The following CAPZA2 variants were observed in gnomAD, a reference collection of about 807,000 sequenced individuals.
CAPZA2 encodes capping actin protein of muscle Z-line subunit alpha 2, also known as F-actin-capping protein subunit alpha-2.
In CAPZA2, 13 loss-of-function variants were observed where a neutral mutation model predicts 44.0. The ratio of observed to expected loss-of-function variants is 0.30; its 90% confidence interval spans 0.19 to 0.47. The LOEUF (loss-of-function observed/expected upper bound fraction) is 0.47. CAPZA2 is among the 20% of genes least tolerant of loss of function. The pLI is 1.00. For synonymous variants in CAPZA2, 94 were observed against 108.2 expected, an observed-to-expected ratio of 0.87 and a Z score of 0.81; for missense variants, 244 against 338.6, an observed-to-expected ratio of 0.72 and a Z score of 2.19.
At chr7:116,902,807 G>A (rs60899920) in intron 4 of CAPZA2, among the ~76,000 whole-genome samples, 52,045 of 152,028 alleles carry the variant, frequency 0.34, 10,882 homozygotes, top group South Asian at 0.53. Context: ...CACAATCACA[G>A]CTCGCTGCAG....
chr7:116,906,887 A>T (rs1015784521), intron 6 of CAPZA2, among the ~76,000 whole-genome samples: 14 of 152,192 alleles, frequency 9.2e-5, no homozygotes, highest in Non-Finnish European at 1.8e-4. Flanking sequence ...CTGATTTACC[A>T]TACTGGTCTT....
chr7:116,868,729 A>G (rs975112488), intron 1 of CAPZA2, among the ~76,000 whole-genome samples: 2 of 152,214 alleles, frequency 1.3e-5, no homozygotes, highest in Non-Finnish European at 2.9e-5. Context: ...GCAAGACTCC[A>G]TCTCAAAAAG....
At chr7:116,881,422 A>G (rs1417492470) in intron 1 of CAPZA2, among the ~76,000 whole-genome samples, 2 of 152,230 alleles carry the variant, frequency 1.3e-5, no homozygotes, top group Admixed American at 1.3e-4. Flanking sequence ...GACTGTATTC[A>G]GGGCATTCTT....
chr7:116,872,146 G>A (rs141865932), intron 1 of CAPZA2, among the ~76,000 whole-genome samples: 1 of 152,212 alleles, frequency 6.6e-6, no homozygotes, highest in Admixed American at 6.5e-5. Context: ...AAAAAAATTG[G>A]TAGTGAAACA....
chr7:116,866,118 A>C (rs1327814787), intron 1 of CAPZA2, among the ~76,000 whole-genome samples: 1 of 152,202 alleles, frequency 6.6e-6, no homozygotes, highest in East Asian at 1.9e-4. Flanking sequence ...TGAATGGGAA[A>C]TAAATTTAGC....
At chr7:116,914,128 C>T (rs920303672) in intron 8 of CAPZA2, among the ~76,000 whole-genome samples, 20 of 149,670 alleles carry the variant, frequency 1.3e-4, no homozygotes, top group Admixed American at 6.7e-5. Flanking sequence ...CCTGGGTTCA[C>T]GCCATTCTCC....
intron 2 of CAPZA2, among the ~76,000 whole-genome samples, chr7:116,890,605 CACACACACAT>C (rs71148339): frequency 0.12 from 9,354 of 76,468 alleles, 1,344 homozygotes; most frequent in East Asian, 0.28. Flanking sequence ...TATACACACA[CACACACACAT>C]ATATACAAAA....
chr7:116,881,529 G>A (rs1391112523), intron 1 of CAPZA2, among the ~76,000 whole-genome samples: 1 of 151,990 alleles, frequency 6.6e-6, no homozygotes, highest in Non-Finnish European at 1.5e-5. Context: ...CACGAGGTCA[G>A]GAGATCAAGA....
In CAPZA2 at chr7:116,864,233, C is replaced by T. The variant is rs538991194; in HGVS notation, c.39+1583C>T. Among the ~76,000 whole-genome samples the T allele has an allele frequency of 2.6e-5, 4 of 152,080 alleles. No individual in the cohort carries two copies. In the South Asian group the frequency reaches 6.2e-4, roughly 24 times the overall value. ...CATTCTTAAGTGATGATTAGTAGCT[C>T]AAGTGGCTAGAAATCTAGCTGAAGA... is the stretch of plus-strand genomic sequence containing the variant. On this transcript the variant is annotated intron_variant, in intron 1 of 9. Transcript: ENST00000361183.
intron 6 of CAPZA2, among the ~76,000 whole-genome samples, chr7:116,907,836 A>G (rs1024701598): frequency 3.3e-5 from 5 of 152,232 alleles, no homozygotes; most frequent in Non-Finnish European, 1.5e-5. Context: ...TTCCTAAGCC[A>G]TCACTATGAG....
At position 116,921,215 on chromosome 7, in the gene CAPZA2, C is replaced by G. The variant is rs1251511971; in HGVS notation, c.*3348C>G. 2 of 152,258 alleles carry G rather than the reference C, an allele frequency of 1.3e-5. No homozygotes were observed. The highest frequency in any genetic ancestry group is 4.8e-5 in the African/African-American group (2 of 41,404). The allele number at this position is 152,258 out of a possible 1,614,324, so 9.4% of individuals were successfully genotyped here. A position where few individuals can be genotyped will look rare whatever the true frequency, so the allele number is the denominator to read the frequency against. ...CCTGGCCAATATGGTGCAACCCCAT[C>G]TCTACTAAAAATACAAAAATTAGCT... On this transcript the variant is annotated 3_prime_UTR_variant, in exon 10 of 10. Coordinates refer to ENST00000361183, the MANE Select transcript of CAPZA2 (RefSeq NM_006136.3).
intron 1 of CAPZA2, among the ~76,000 whole-genome samples, chr7:116,886,402 C>G (rs1796762509): frequency 6.6e-6 from 1 of 152,174 alleles, no homozygotes; most frequent in Non-Finnish European, 1.5e-5. Flanking sequence ...CATCTTCATT[C>G]TAGCCATCTA....
intron 8 of CAPZA2, among the ~76,000 whole-genome samples, chr7:116,912,465 A>G (rs1791610354): frequency 6.6e-6 from 1 of 152,170 alleles, no homozygotes; most frequent in South Asian, 2.1e-4. Context: ...ACCATTAGCA[A>G]TCATTCTCCA....
rs1399759909 is a variant in CAPZA2 at position 116,904,289 on chromosome 7, G to A, written c.332G>A (p.Cys111Tyr). Reference protein sequence around the residue: ...LRKEATDPRPCEVENAVESWR... With the variant: ...LRKEATDPRPYEVENAVESWR... ...AAGGAGGCAACTGATCCAAGACCCTGTGAAGTAGAAAATGCAGTTGAATCA... is the reference window on the plus strand; with the variant it reads ...AAGGAGGCAACTGATCCAAGACCCTATGAAGTAGAAAATGCAGTTGAATCA... The change falls in exon 5 of 10, where the codon TGT becomes TAT. Residue 111 changes from cysteine to tyrosine, a missense_variant. Physicochemically the swap from Cys to Tyr is radical, Grantham distance 194 (BLOSUM62 -2). Transcript: ENST00000361183. 1 of 1,613,178 alleles carries A rather than the reference G, an allele frequency of 6.2e-7. No individual in the cohort carries two copies. Among genetic ancestry groups the A allele is most frequent in the Admixed American group, 1.7e-5 (1 of 60,032 alleles).
rs552749379 is a variant in CAPZA2, at chr7:116,921,091, A to G, written c.*3224A>G. 8 of 152,446 alleles carry G rather than the reference A, an allele frequency of 5.2e-5. No individual in the cohort carries two copies. Among genetic ancestry groups the G allele is most frequent in the Non-Finnish European group, 1.2e-4 (8 of 68,260 alleles). 9.4% of individuals were successfully genotyped at this position (152,446 alleles called of 1,614,324 possible). A position where few individuals can be genotyped will look rare whatever the true frequency, so the allele number is the denominator to read the frequency against. On this transcript the variant is annotated 3_prime_UTR_variant, in exon 10 of 10. Coordinates refer to ENST00000361183, the MANE Select transcript of CAPZA2 (RefSeq NM_006136.3). The stretch of plus-strand genomic sequence containing the variant: ...GGGGAACTAGAAAGAATGACCTGGA[A>G]ATGTAAGAAGTGGGCCGGGCGCAGT...
intron 6 of CAPZA2, among the ~76,000 whole-genome samples, chr7:116,908,397 T>C (rs1791544692): frequency 6.6e-6 from 1 of 152,228 alleles, no homozygotes; most frequent in African/African-American, 2.4e-5. Flanking sequence ...TTCTCCAGGA[T>C]CTAGCAGTAT....
intron 1 of CAPZA2, among the ~76,000 whole-genome samples, chr7:116,882,017 A>G (rs1310036636): frequency 2.0e-5 from 3 of 152,020 alleles, no homozygotes; most frequent in Non-Finnish European, 4.4e-5. Context: ...CACAGAAGTG[A>G]TATGTTCTCA....
chr7:116,890,005 G>C (rs1474867793), intron 2 of CAPZA2, among the ~76,000 whole-genome samples: 1 of 152,114 alleles, frequency 6.6e-6, no homozygotes, highest in Admixed American at 6.6e-5. Context: ...CCTCCTTAGG[G>C]TCAAAAAGTG....
At chr7:116,908,915 A>G (rs1488299976) in intron 6 of CAPZA2, among the ~76,000 whole-genome samples, 1 of 152,182 alleles carries the variant, frequency 6.6e-6, no homozygotes, top group Non-Finnish European at 1.5e-5. Context: ...ATTTTCAAAT[A>G]TTCAGTGTAA....
Sources: allele counts gnomAD v4.1 joint callset (sites outside exome capture counted in the v4.1 genomes callset), GRCh38; gene constraint gnomAD v4.1.1; transcripts MANE v1.5; gene names NCBI Gene and HGNC (gene_info 2026-07-23, HGNC 2026-07-21).